The following HDAC4 variants were observed in gnomAD, a reference collection of about 807,000 sequenced individuals.
HDAC4 encodes histone deacetylase 4, also known as histone deacetylase A.
HDAC4 carries 16 observed loss-of-function variants against 135.1 expected under a neutral mutation model. The ratio of observed to expected loss-of-function variants is 0.12; its 90% CI spans 0.08 to 0.18. The LOEUF (loss-of-function observed/expected upper bound fraction) is 0.18, where lower values mean the gene tolerates loss of function less well. Ranked by LOEUF, HDAC4 falls within the 10% of genes least tolerant of loss-of-function variation. The pLI is 1.00. For missense variants in HDAC4, 1,143 were observed against 1,511.8 expected, an observed-to-expected ratio of 0.76 and a Z score of 4.05; for synonymous variants, 685 against 653.4, an observed-to-expected ratio of 1.05 and a Z score of -0.74.
intron 3 of HDAC4, among the ~76,000 whole-genome samples, chr2:239,203,040 G>A (rs181274432): frequency 6.6e-6 from 1 of 152,328 alleles, no homozygotes; most frequent in East Asian, 1.9e-4. Flanking sequence ...TGGCAGCGCT[G>A]AGTGGAGCCT....
chr2:239,095,105 G>A, intron 16 of HDAC4, 49 bp from the exon 17 acceptor site: 1 of 1,609,078 alleles, frequency 6.2e-7, no homozygotes, highest in Non-Finnish European at 8.5e-7. Flanking sequence ...ACGCGGCCAA[G>A]GTGCTCGACA....
At chr2:239,084,459 G>GCACACACACACACA (rs1491342004) in intron 19 of HDAC4, among the ~76,000 whole-genome samples, 2 of 73,134 alleles carry the variant, frequency 2.7e-5, no homozygotes, top group African/African-American at 8.3e-5. Flanking sequence ...TCACACGCGT[G>GCACACACACACACA]CGCGCGCACA....
At chr2:239,350,090 C>T (rs1489796891) in intron 2 of HDAC4, among the ~76,000 whole-genome samples, 1 of 152,104 alleles carries the variant, frequency 6.6e-6, no homozygotes, top group African/African-American at 2.4e-5. Flanking sequence ...TCAAAGAACC[C>T]GGCCTGAAAA....
rs146432988 is a variant in HDAC4, at chr2:239,115,201, C to A, written c.1643G>T (p.Arg548Leu). The change falls in exon 13 of 27, where the codon CGG becomes CTG. Residue 548 changes from arginine (R) to leucine (L), a missense_variant. By Grantham distance (102) the Arg-to-Leu change is moderately radical. Coordinates refer to ENST00000543185, the MANE Select transcript of HDAC4 (RefSeq NM_001378414.1). The surrounding 1 kb of genome is among the most constrained non-coding windows in gnomAD (Gnocchi z 6.3). ...QALLDEPYLD[R>L]LPGQKEAHAQ... ...GTGCGCCTCCTTCTGCCCCGGCAGCCGGTCCAGGTAGGGCTCGTCCAGCAG... is the reference window on the plus strand; with the variant it reads ...GTGCGCCTCCTTCTGCCCCGGCAGCAGGTCCAGGTAGGGCTCGTCCAGCAG... 1.9e-5 allele frequency: 31 copies of A among 1,611,718 alleles called. 1 individual carries two copies. In the East Asian group the frequency reaches 6.9e-4, roughly 36 times the overall value.
intron 2 of HDAC4, among the ~76,000 whole-genome samples, chr2:239,293,394 G>A (rs772305002): frequency 9.9e-5 from 15 of 152,108 alleles, no homozygotes; most frequent in African/African-American, 2.2e-4. Flanking sequence ...TTGCAAAACC[G>A]CAGGGTCCCA....
chr2:239,237,574 G>C (rs1277792119), intron 2 of HDAC4, among the ~76,000 whole-genome samples: 1 of 138,684 alleles, frequency 7.2e-6, no homozygotes, highest in Non-Finnish European at 1.5e-5. Context: ...CAGGTCAAAT[G>C]ACTGCAAAAA....
chr2:239,345,868 T>C (rs1394814283), intron 2 of HDAC4, among the ~76,000 whole-genome samples: 1 of 130,972 alleles, frequency 7.6e-6, no homozygotes, highest in East Asian at 2.3e-4. Context: ...ACACACACCC[T>C]AACACACATA....
intron 3 of HDAC4, among the ~76,000 whole-genome samples, chr2:239,207,904 C>A (rs1257271209): frequency 1.1e-4 from 17 of 152,084 alleles, no homozygotes. Context: ...ATAAAAAAGA[C>A]AGAAAAATTA....
intron 6 of HDAC4, 111 bp downstream of exon 6, chr2:239,163,692 C>G: frequency 8.7e-7 from 1 of 1,154,798 alleles, no homozygotes; most frequent in Non-Finnish European, 1.3e-6. Context: ...ATTCCTCACC[C>G]TCCTTCCCTG....
chr2:239,247,307 T>C (rs1260064881), intron 2 of HDAC4, among the ~76,000 whole-genome samples: 8 of 152,226 alleles, frequency 5.3e-5, no homozygotes, highest in Non-Finnish European at 7.3e-5. Flanking sequence ...ATACAATTCC[T>C]ACCCGCATCT....
At chr2:239,323,622 CG>C (rs2053382660) in intron 2 of HDAC4, among the ~76,000 whole-genome samples, 1 of 152,136 alleles carries the variant, frequency 6.6e-6, no homozygotes, top group Non-Finnish European at 1.5e-5. Context: ...CAAGAACCCG[CG>C]GCCAACGACT....
chr2:239,075,939 G>A (rs1371157644), intron 22 of HDAC4, among the ~76,000 whole-genome samples: 3 of 151,870 alleles, frequency 2.0e-5, no homozygotes, highest in Admixed American at 2.0e-4. Flanking sequence ...GCTGGGTTGG[G>A]ACAGCAGGCG....
chr2:239,354,888 C>T (rs1219098703), intron 1 of HDAC4, among the ~76,000 whole-genome samples: 1 of 152,092 alleles, frequency 6.6e-6, no homozygotes, highest in Non-Finnish European at 1.5e-5. Flanking sequence ...CAGTATCCTT[C>T]ACACAAAAAA....
chr2:239,348,312 C>T (rs989984754), intron 2 of HDAC4, among the ~76,000 whole-genome samples: 4 of 151,958 alleles, frequency 2.6e-5, no homozygotes, highest in Non-Finnish European at 4.4e-5. Flanking sequence ...AAATCCACTG[C>T]GGGGCTCCTT....
At chr2:239,333,091 T>A (rs1043409111) in intron 2 of HDAC4, among the ~76,000 whole-genome samples, 1 of 152,150 alleles carries the variant, frequency 6.6e-6, no homozygotes, top group Admixed American at 6.5e-5. Context: ...AACTCCAAGA[T>A]AAGTTCATAA....
At chr2:239,206,269 A>C (rs2046038735) in intron 3 of HDAC4, among the ~76,000 whole-genome samples, 1 of 152,228 alleles carries the variant, frequency 6.6e-6, no homozygotes, top group Admixed American at 6.5e-5. Flanking sequence ...CAGAGGCTGC[A>C]GTGAGCTGAG....
chr2:239,251,990 A>G (rs2048808081), intron 2 of HDAC4, among the ~76,000 whole-genome samples: 2 of 152,184 alleles, frequency 1.3e-5, no homozygotes, highest in Admixed American at 1.3e-4. Flanking sequence ...CTAAATATAC[A>G]GTGATTTCTT....
intron 1 of HDAC4, among the ~76,000 whole-genome samples, chr2:239,362,048 A>G (rs1233660092): frequency 1.3e-5 from 2 of 152,222 alleles, no homozygotes; most frequent in Non-Finnish European, 2.9e-5. Flanking sequence ...ATGTGGACAT[A>G]TTACAACTTT....
In HDAC4 at chr2:239,345,080, T is replaced by C. The variant is rs375187549; in HGVS notation, c.22+7598A>G. ...ACACCCCCTCCTCCTGGGAGCCCTC[T>C]TGGGCCTCCTGCAAAGCCACTCTCA... On this transcript the variant is annotated intron_variant, in intron 2 of 26. Coordinates refer to ENST00000543185, the MANE Select transcript of HDAC4 (RefSeq NM_001378414.1). 1.4e-4 allele frequency among the ~76,000 whole-genome samples: 22 copies of C among 152,150 alleles called. No individual in the cohort carries two copies. In the East Asian group the frequency reaches 1.5e-3, roughly 11 times the overall value.
Sources: allele counts gnomAD v4.1 joint callset (sites outside exome capture counted in the v4.1 genomes callset), GRCh38; gene constraint gnomAD v4.1.1; non-coding constraint Gnocchi (gnomAD v3.1); transcripts MANE v1.5; gene names NCBI Gene and HGNC (gene_info 2026-07-23, HGNC 2026-07-21).